The following LCN12 variants were observed in gnomAD, a reference collection of about 807,000 sequenced individuals.
LCN12 encodes the protein lipocalin 12.
LCN12 carries 15 observed loss-of-function variants against 23.7 expected under a neutral mutation model. The ratio of observed to expected loss-of-function variants is 0.63; its 90% CI spans 0.42 to 0.97. The LOEUF (loss-of-function observed/expected upper bound fraction) is 0.97, where lower values mean the gene tolerates loss of function less well. LCN12 is among the 50% of genes least tolerant of loss of function. The probability of loss-of-function intolerance (pLI) is 0.00; values close to 1 mark genes in which losing one functional copy is unlikely to be tolerated. For synonymous variants in LCN12, 116 were observed against 111.5 expected, an observed-to-expected ratio of 1.04 and a Z score of -0.25; for missense variants, 219 against 249.6, an observed-to-expected ratio of 0.88 and a Z score of 0.83.
Position 136,954,558 on chromosome 9 carries a change from C to G in LCN12, c.550+303C>G, listed in dbSNP as rs556034099. The G allele has an allele frequency of 5.2e-3, 2,150 of 416,308 alleles. 14 individuals are homozygous for G. The highest frequency in any genetic ancestry group is 7.5e-3 in the Non-Finnish European group (1,630 of 216,572). 25.8% of individuals were successfully genotyped at this position (416,308 alleles called of 1,614,324 possible). On this transcript the variant is annotated intron_variant, in intron 5 of 5. Coordinates refer to ENST00000371633, the MANE Select transcript of LCN12 (RefSeq NM_178536.4). ...TCCCCCTGCCCCTCCCGCCCCAGGT[C>G]CCCTGTCCCGGCCCACCTCCTCCCA...
intron 5 of LCN12, chr9:136,954,811 C>T (rs1851284093): frequency 7.8e-7 from 1 of 1,286,006 alleles, no homozygotes; most frequent in Non-Finnish European, 1.0e-6. Context: ...CCTGACTCTT[C>T]TTGTGGGAGG....
chr9:136,950,869 G>A (rs1851135899), upstream of LCN12, among the ~76,000 whole-genome samples: 1 of 151,694 alleles, frequency 6.6e-6, no homozygotes, highest in Admixed American at 6.6e-5. Flanking sequence ...CTCTTCGAGT[G>A]GCCAGGCTGG....
intron 1 of LCN12, 34 bp from the exon 2 acceptor site, chr9:136,952,858 C>A: frequency 6.3e-7 from 1 of 1,586,952 alleles, no homozygotes; most frequent in South Asian, 1.1e-5. Context: ...CCACCCCTGC[C>A]CACCGCCGCC....
Position 136,954,163 on chromosome 9 carries a change from G to T in LCN12, c.458G>T (p.Trp153Leu). Reference protein sequence around the residue: ...VLRISLLGRSWLLPPGTLDQF... With the variant: ...VLRISLLGRSLLLPPGTLDQF... ...GCTCCCTGGGCTGCAGGCAGGAGCT[G>T]GTTGCTGCCTCCCGGGACGCTGGAC... The change falls in exon 5 of 6, where the codon TGG (tryptophan) becomes TTG (leucine). Residue 153 changes from tryptophan (W) to leucine (L), a missense_variant. Physicochemically the swap from Trp to Leu is moderately conservative, Grantham distance 61 (BLOSUM62 -2). Transcript: ENST00000371633. 6.4e-7 allele frequency: 1 copy of T among 1,559,290 alleles called. No individual in the cohort carries two copies. Among genetic ancestry groups the T allele is most frequent in the Non-Finnish European group, 8.7e-7 (1 of 1,150,758 alleles).
chr9:136,950,241 G>A (rs753884332), upstream of LCN12, among the ~76,000 whole-genome samples: 3 of 152,210 alleles, frequency 2.0e-5, no homozygotes, highest in African/African-American at 7.2e-5. Context: ...TGTCGTGTCC[G>A]GGAGGCTCCT....
downstream of LCN12, among the ~76,000 whole-genome samples, chr9:136,955,979 A>T (rs1293272710): frequency 6.6e-6 from 1 of 152,120 alleles, no homozygotes; most frequent in Non-Finnish European, 1.5e-5. Context: ...GGAGGCGGTG[A>T]CAAGCAGCCT....
chr9:136,955,342 C>T (rs1429468139), intron 5 of LCN12, 29 bp from the exon 6 acceptor site: 5 of 1,611,264 alleles, frequency 3.1e-6, no homozygotes, highest in Middle Eastern at 1.7e-4. Context: ...CCCCTTTGTC[C>T]TCCATCCCGA....
At chr9:136,955,082 C>G in intron 5 of LCN12, 1 of 1,408,800 alleles carries the variant, frequency 7.1e-7, no homozygotes, top group Admixed American at 3.1e-5. Flanking sequence ...ACTCGCTATG[C>G]CAGGCCTCCT....
At position 136,953,374 on chromosome 9, in the gene LCN12, GCGCGGTCGCGC is replaced by G; in HGVS notation, c.252-325_252-315del. The G allele has an allele frequency of 2.1e-5, 2 of 94,422 alleles. 1 individual carries two copies. Among genetic ancestry groups the G allele is most frequent in the South Asian group, 2.6e-4 (2 of 7,710 alleles). The allele number at this position is 94,422 out of a possible 1,614,324, so 5.8% of individuals were successfully genotyped here. A position where few individuals can be genotyped will look rare whatever the true frequency, so the allele number is the denominator to read the frequency against. Reference sequence around the variant, plus strand: ...GTAATCCTAGCACTTTGGGGGCCGGGCGCGGTCGCGCACACCTGTAATCCTAGCACTTTGGG... The same window carrying G: ...GTAATCCTAGCACTTTGGGGGCCGGGACACCTGTAATCCTAGCACTTTGGG... On this transcript the variant is annotated intron_variant, in intron 2 of 5. Coordinates refer to ENST00000371633, the MANE Select transcript of LCN12 (RefSeq NM_178536.4).
chr9:136,952,941 C>T lies in LCN12; in HGVS notation c.164C>T (p.Pro55Leu), dbSNP rs370090549. ...GGCCTGGCGGGCAACAGCTTCAGGCCGGAGCACAGGGCGCTGCTGAACGCT... is the reference window on the plus strand; with the variant it reads ...GGCCTGGCGGGCAACAGCTTCAGGCTGGAGCACAGGGCGCTGCTGAACGCT... Reference protein sequence around the residue: ...VLGLAGNSFRPEHRALLNAFT... With the variant: ...VLGLAGNSFRLEHRALLNAFT... The change falls in exon 2 of 6, where the codon CCG (proline) becomes CTG (leucine). Residue 55 changes from proline to leucine, a missense_variant. Coordinates refer to ENST00000371633, the MANE Select transcript of LCN12 (RefSeq NM_178536.4). The T allele has an allele frequency of 2.3e-4, 375 of 1,613,746 alleles. No homozygotes were observed. The highest frequency in any genetic ancestry group is 2.8e-4 in the Non-Finnish European group (331 of 1,179,982).
At chr9:136,955,951 C>T (rs1437676588), downstream of LCN12, among the ~76,000 whole-genome samples, 3 of 152,128 alleles carry the variant, frequency 2.0e-5, no homozygotes, top group Admixed American at 1.3e-4. Context: ...GGTGCAGATG[C>T]CCCAGGCCTG....
chr9:136,949,372 C>T (rs1851098328), upstream of LCN12, among the ~76,000 whole-genome samples: 1 of 152,244 alleles, frequency 6.6e-6, no homozygotes, highest in Admixed American at 6.5e-5. Context: ...TGTGGGGCCC[C>T]GGGAGCCCCT....
downstream of LCN12, chr9:136,955,545 A>AGG (rs1851303301): frequency 1.2e-6 from 1 of 818,358 alleles, no homozygotes; most frequent in Non-Finnish European, 1.9e-6. Context: ...AAGAGACAGG[A>AGG]GCAAGGCGAC....
upstream of LCN12, among the ~76,000 whole-genome samples, chr9:136,950,317 A>AC (rs938719973): frequency 1.2e-4 from 18 of 151,850 alleles, no homozygotes; most frequent in African/African-American, 4.4e-4. Flanking sequence ...GCACACACAG[A>AC]CCCCCCAGGG....
At chr9:136,950,258 G>C (rs1027019741), upstream of LCN12, among the ~76,000 whole-genome samples, 1 of 152,226 alleles carries the variant, frequency 6.6e-6, no homozygotes, top group Non-Finnish European at 1.5e-5. Flanking sequence ...TCCTGCAGGG[G>C]ACGTGGGGGG....
chr9:136,949,247 T>G (rs1851096101), upstream of LCN12, among the ~76,000 whole-genome samples: 1 of 152,092 alleles, frequency 6.6e-6, no homozygotes, highest in African/African-American at 2.4e-5. Context: ...AAAAAAAAGT[T>G]TTTTCATCTA....
At chr9:136,950,043 G>A (rs1293246679), upstream of LCN12, among the ~76,000 whole-genome samples, 3 of 143,972 alleles carry the variant, frequency 2.1e-5, no homozygotes, top group East Asian at 2.4e-4. Flanking sequence ...CGGGAGCCCC[G>A]CAGGTGCCTC....
upstream of LCN12, among the ~76,000 whole-genome samples, chr9:136,949,272 T>TA (rs1851096419): frequency 6.6e-6 from 1 of 152,218 alleles, no homozygotes; most frequent in Non-Finnish European, 1.5e-5. Context: ...AACTAACATT[T>TA]AATTGTTAGC....
At position 136,954,069 on chromosome 9, in the gene LCN12, G is replaced by T. The variant is rs1306211130; in HGVS notation, c.449-85G>T. The T allele has an allele frequency of 3.3e-6, 5 of 1,528,204 alleles. No individual in the cohort carries two copies. In the African/African-American group the frequency reaches 5.5e-5, roughly 17 times the overall value. 94.7% of individuals were successfully genotyped at this position (1,528,204 alleles called of 1,614,324 possible). ...CCCACCCCGCCTGGAGTGACTTGGG[G>T]GTACAGATAGTTCAATCTCCCACCT... On this transcript the variant is annotated intron_variant, in intron 4 of 5. Transcript: ENST00000371633.
Sources: allele counts gnomAD v4.1 joint callset (sites outside exome capture counted in the v4.1 genomes callset), GRCh38; gene constraint gnomAD v4.1.1; transcripts MANE v1.5; gene names NCBI Gene and HGNC (gene_info 2026-07-23, HGNC 2026-07-21).